The following MAPK8IP1 variants were observed in gnomAD, a reference collection of about 807,000 sequenced individuals.
The protein encoded by MAPK8IP1 is mitogen-activated protein kinase 8 interacting protein 1.
Under a neutral mutation model 72.6 loss-of-function variants are expected in MAPK8IP1, and 17 were observed. The ratio of observed to expected loss-of-function variants is 0.23; its 90% CI spans 0.16 to 0.35. MAPK8IP1 has a LOEUF of 0.35. Among genes scored for constraint, MAPK8IP1 ranks in the 10% least tolerant of loss-of-function variants. The pLI is 1.00. For synonymous variants in MAPK8IP1, 401 were observed against 443.4 expected (o/e 0.90, Z 1.20); for missense variants, 789 against 1,009.7 (o/e 0.78, Z 2.96).
chr11:45,891,156 C>T (rs916028365), intron 1 of MAPK8IP1, among the ~76,000 whole-genome samples: 7 of 152,178 alleles, frequency 4.6e-5, no homozygotes, highest in African/African-American at 7.2e-5. Flanking sequence ...CTTTAAAGTT[C>T]GTCTCTGGAT....
intron 1 of MAPK8IP1, among the ~76,000 whole-genome samples, chr11:45,895,358 G>A (rs1212599562): frequency 6.6e-6 from 1 of 152,146 alleles, no homozygotes; most frequent in Non-Finnish European, 1.5e-5. Flanking sequence ...CATGGCTCAC[G>A]CCTGCAATCC....
rs2086668228 is a variant in MAPK8IP1, at chr11:45,902,892, C to G, written c.1125C>G (p.Ser375=). 1 of 1,605,270 alleles carries G rather than the reference C, an allele frequency of 6.2e-7. No individual in the cohort carries two copies. Residue 375 remains serine (S), a synonymous_variant, in exon 5 of 12, where the codon TCC becomes TCG. Coordinates refer to ENST00000241014, the MANE Select transcript of MAPK8IP1 (RefSeq NM_005456.4). This position sits in a 1 kb window ranked among gnomAD's most constrained non-coding sequence, Gnocchi z 9.3. ...ASLSSDTSAL[S]YDSVKYTLVV... The stretch of plus-strand genomic sequence containing the variant: ...TGAGCTCGGACACCAGCGCCCTGTC[C>G]TATGACTCTGTCAAGTACACGCTGG...
Position 45,902,254 on chromosome 11 carries a change from G to GCC in MAPK8IP1, c.605-118_605-117insCC. On this transcript the variant is annotated intron_variant, in intron 4 of 11. Coordinates refer to ENST00000241014, the MANE Select transcript of MAPK8IP1 (RefSeq NM_005456.4). This position sits in a 1 kb window ranked among gnomAD's most constrained non-coding sequence, Gnocchi z 9.3. ...TTGACTGGCCCCAGAGCCTGCGAAG[G>GCC]GCCTGTTGCCCAGGGAGGCTTTGTC... 5 of 1,029,366 alleles carry GCC rather than the reference G, an allele frequency of 4.9e-6. No homozygotes were observed. The highest frequency in any genetic ancestry group is 7.5e-6 in the Non-Finnish European group (5 of 669,290). The allele number at this position is 1,029,366 out of a possible 1,614,324, so 63.8% of individuals were successfully genotyped here.
rs771676815 is a variant in MAPK8IP1 at position 45,902,746 on chromosome 11, C to T, written c.979C>T (p.Pro327Ser). 6.2e-6 allele frequency: 10 copies of T among 1,604,624 alleles called. No individual in the cohort carries two copies. The highest frequency in any genetic ancestry group is 8.5e-6 in the Non-Finnish European group (10 of 1,178,848). Reference sequence around the variant, plus strand: ...CCCCTCCACGGCAGGGCGGCCGCACCCCTCCATCAGTGAAGAGGAAGAGGG... The same window carrying T: ...CCCCTCCACGGCAGGGCGGCCGCACTCCTCCATCAGTGAAGAGGAAGAGGG... ...AYPSTAGRPH[P>S]SISEEEEGFD... Residue 327 changes from proline to serine, a missense_variant, in exon 5 of 12, where the codon CCC (proline) becomes TCC (serine). Pro to Ser is a moderately conservative substitution (Grantham distance 74). Coordinates refer to ENST00000241014, the MANE Select transcript of MAPK8IP1 (RefSeq NM_005456.4). This position sits in a 1 kb window ranked among gnomAD's most constrained non-coding sequence, Gnocchi z 9.3.
intron 1 of MAPK8IP1, among the ~76,000 whole-genome samples, chr11:45,894,351 A>G (rs1256926000): frequency 6.6e-6 from 1 of 151,308 alleles, no homozygotes; most frequent in East Asian, 1.9e-4. Context: ...TGCCTTACTT[A>G]TGAGAGGCAC....
chr11:45,890,702 C>T (rs1319372190), intron 1 of MAPK8IP1, among the ~76,000 whole-genome samples: 1 of 151,622 alleles, frequency 6.6e-6, no homozygotes, highest in Non-Finnish European at 1.5e-5. Flanking sequence ...GGTGGGGTGT[C>T]CAGTGGGAGA....
At chr11:45,894,982 C>T (rs2086592503) in intron 1 of MAPK8IP1, among the ~76,000 whole-genome samples, 2 of 152,226 alleles carry the variant, frequency 1.3e-5, no homozygotes, top group African/African-American at 4.8e-5. Context: ...TAACTGAGCA[C>T]TCTTCCAGCA....
intron 3 of MAPK8IP1, among the ~76,000 whole-genome samples, chr11:45,901,103 G>C (rs910378678): frequency 7.9e-5 from 12 of 152,146 alleles, no homozygotes; most frequent in Non-Finnish European, 1.3e-4. Flanking sequence ...GGCCCATCGG[G>C]AGCGGTGCAG....
intron 1 of MAPK8IP1, among the ~76,000 whole-genome samples, chr11:45,888,926 C>T (rs187660547): frequency 6.6e-6 from 1 of 152,228 alleles, no homozygotes; most frequent in Non-Finnish European, 1.5e-5. Flanking sequence ...TCTTGAACTC[C>T]TGACCTCAGG....
intron 2 of MAPK8IP1, among the ~76,000 whole-genome samples, chr11:45,898,937 G>A (rs1050699265): frequency 2.6e-5 from 4 of 152,192 alleles, no homozygotes; most frequent in African/African-American, 9.7e-5. Flanking sequence ...ACAGGGCTAG[G>A]TTTTAGAGCC....
At position 45,902,408 on chromosome 11, in the gene MAPK8IP1, G is replaced by A; in HGVS notation, c.641G>A (p.Ser214Asn). The A allele has an allele frequency of 6.3e-7, 1 of 1,579,748 alleles. No homozygotes were observed. The highest frequency in any genetic ancestry group is 8.6e-7 in the Non-Finnish European group (1 of 1,163,748). Residue 214 changes from serine to asparagine, a missense_variant, in exon 5 of 12, where the codon AGC (serine) becomes AAC (asparagine). Coordinates refer to ENST00000241014, the MANE Select transcript of MAPK8IP1 (RefSeq NM_005456.4). This position sits in a 1 kb window ranked among gnomAD's most constrained non-coding sequence, Gnocchi z 9.3. ...CCACCGCATGAACACATCTGCCTGA[G>A]CGATGAGCTGCCCCCCCAGAGCGGC... ...QTPPHEHICL[S>N]DELPPQSGPA...
At chr11:45,897,067 C>G (rs1015694235) in intron 1 of MAPK8IP1, 2 of 1,097,400 alleles carry the variant, frequency 1.8e-6, no homozygotes, top group Non-Finnish European at 2.7e-6. Flanking sequence ...CTAGGTTCCC[C>G]TGGGGGCTAA....
intron 1 of MAPK8IP1, chr11:45,896,562 C>G: frequency 5.7e-6 from 7 of 1,238,308 alleles, no homozygotes; most frequent in South Asian, 2.5e-5. Flanking sequence ...TTGCAGTAAC[C>G]TGATCCCGTG....
chr11:45,895,768 T>G (rs1001815106), intron 1 of MAPK8IP1, among the ~76,000 whole-genome samples: 8 of 151,934 alleles, frequency 5.3e-5, no homozygotes, highest in Admixed American at 5.2e-4. Context: ...TTTGCACCAC[T>G]GGCCTTCTCG....
chr11:45,887,758 AC>A (rs1184930652), intron 1 of MAPK8IP1, among the ~76,000 whole-genome samples: 1 of 152,150 alleles, frequency 6.6e-6, no homozygotes, highest in Non-Finnish European at 1.5e-5. Flanking sequence ...GTGGGCCAGC[AC>A]TCCAGAACAT....
rs893472416 is a variant in MAPK8IP1, at chr11:45,903,666, G to C, written c.1493+226G>C. Among the ~76,000 whole-genome samples the C allele has an allele frequency of 6.6e-6, 1 of 152,180 alleles. No individual in the cohort carries two copies. Among genetic ancestry groups the C allele is most frequent in the Non-Finnish European group, 1.5e-5 (1 of 68,020 alleles). ...AACTGTGCACCTAGTCTGGCCAGGGGCAGGGCACCCAGGAGGGTGACCAGG... is the reference window on the plus strand; with the variant it reads ...AACTGTGCACCTAGTCTGGCCAGGGCCAGGGCACCCAGGAGGGTGACCAGG... On this transcript the variant is annotated intron_variant, in intron 6 of 11. Transcript: ENST00000241014. This position sits in a 1 kb window ranked among gnomAD's most constrained non-coding sequence, Gnocchi z 6.4.
rs76828887 is a variant in MAPK8IP1 at position 45,900,745 on chromosome 11, G to A, written c.522+293G>A. 8.3e-4 allele frequency among the ~76,000 whole-genome samples: 126 copies of A among 152,272 alleles called. 2 individuals are homozygous for A. The East Asian group carries it at 0.022, about 27-fold the overall frequency. ...GGAATTAAGAGAATGAGGCTTTGAG[G>A]GGTTCGAAGGGTTTGGAGCCTGGGA... On this transcript the variant is annotated intron_variant, in intron 3 of 11. Transcript: ENST00000241014. This position sits in a 1 kb window ranked among gnomAD's most constrained non-coding sequence, Gnocchi z 6.5.
chr11:45,886,372 C>G (rs1010163176), intron 1 of MAPK8IP1, among the ~76,000 whole-genome samples: 1 of 152,218 alleles, frequency 6.6e-6, no homozygotes, highest in Non-Finnish European at 1.5e-5. Flanking sequence ...GATGTTTGAG[C>G]CCCTCCCCGA....
chr11:45,886,554 G>T (rs1265527326), intron 1 of MAPK8IP1, among the ~76,000 whole-genome samples: 1 of 152,170 alleles, frequency 6.6e-6, no homozygotes, highest in Non-Finnish European at 1.5e-5. Flanking sequence ...GCTCGGCTCT[G>T]GAGTAGCCAG....
Sources: gnomAD v4.1 joint callset for allele counts (sites outside exome capture counted in the v4.1 genomes callset) on GRCh38, gnomAD v4.1.1 for gene constraint, Gnocchi (gnomAD v3.1) non-coding constraint, MANE v1.5 for transcripts, NCBI Gene and HGNC (gene_info 2026-07-23, HGNC 2026-07-21) for gene names.